Variants in ASAP2 observed in about 807,000 individuals in gnomAD.
ASAP2 encodes the protein arf-GAP with SH3 domain, ANK repeat and PH domain-containing protein 2.
A neutral mutation model predicts 131.4 loss-of-function variants in ASAP2; 45 were observed. The ratio of observed to expected loss-of-function variants is 0.34; its 90% CI spans 0.27 to 0.44. ASAP2 has a LOEUF of 0.44. Among genes scored for constraint, ASAP2 ranks in the 20% least tolerant of loss-of-function variants. The pLI is 1.00. For synonymous variants in ASAP2, 510 were observed against 503.0 expected (o/e 1.01, Z -0.19); for missense variants, 1,011 against 1,297.0 (o/e 0.78, Z 3.39).
chr2:9,359,006 G>T, intron 15 of ASAP2, 117 bp downstream of exon 15: 2 of 1,275,758 alleles, frequency 1.6e-6, no homozygotes, highest in Non-Finnish European at 2.1e-6. Flanking sequence ...TGCCAGATTG[G>T]TTTGGATAAT....
At chr2:9,233,347 T>C (rs957589685) in intron 1 of ASAP2, among the ~76,000 whole-genome samples, 5 of 152,246 alleles carry the variant, frequency 3.3e-5, no homozygotes, top group African/African-American at 1.2e-4. Context: ...AAGGTTACCT[T>C]GATGAGAGGC....
At chr2:9,308,281 C>T (rs1669079388) in intron 3 of ASAP2, among the ~76,000 whole-genome samples, 3 of 152,138 alleles carry the variant, frequency 2.0e-5, no homozygotes, top group South Asian at 4.1e-4. Flanking sequence ...GCCAGCACTT[C>T]GCATGGCCGT....
At chr2:9,343,272 G>A (rs533671089) in intron 9 of ASAP2, among the ~76,000 whole-genome samples, 11 of 152,256 alleles carry the variant, frequency 7.2e-5, no homozygotes, top group Admixed American at 3.9e-4. Flanking sequence ...CTGGATAGGC[G>A]TTCTCATTAA....
chr2:9,247,345 C>T (rs1271584303), intron 1 of ASAP2, among the ~76,000 whole-genome samples: 1 of 152,180 alleles, frequency 6.6e-6, no homozygotes, highest in Non-Finnish European at 1.5e-5. Context: ...TCCCAGTCCG[C>T]AGATGCCTAG....
In ASAP2 at chr2:9,400,784, C is replaced by A. The variant is rs747259935; in HGVS notation, c.2777C>A (p.Ala926Asp). ...ATEALGPLSN[A>D]MVLQPPAPMP... ...GAAGCTCTGGGTCCTCTGTCCAATG[C>A]TATGGTCCTGCAGCCCCCTGCACCC... Residue 926 changes from alanine to aspartate, a missense_variant, in exon 26 of 28, where the codon GCT (alanine) becomes GAT (aspartate). Transcript: ENST00000281419. 6.2e-7 allele frequency: 1 copy of A among 1,613,776 alleles called. No individual in the cohort carries two copies. The highest frequency in any genetic ancestry group is 1.7e-5 in the Admixed American group (1 of 60,024).
chr2:9,318,669 G>A (rs13426594), intron 4 of ASAP2, 71 bp downstream of exon 4: 90,120 of 1,045,998 alleles, frequency 0.086, 4,054 homozygotes, highest in African/African-American at 0.1. Flanking sequence ...TTGGCCTGCC[G>A]GGCAGCAGCC....
intron 1 of ASAP2, among the ~76,000 whole-genome samples, chr2:9,237,756 G>C (rs1663658483): frequency 6.6e-6 from 1 of 152,082 alleles, no homozygotes; most frequent in Non-Finnish European, 1.5e-5. Context: ...GCGACCAGGA[G>C]ACTGAGTCTT....
At chr2:9,264,198 T>TA (rs1665778829) in intron 1 of ASAP2, among the ~76,000 whole-genome samples, 1 of 84,138 alleles carries the variant, frequency 1.2e-5, no homozygotes, top group South Asian at 3.2e-4. Flanking sequence ...CTCAAAAAAA[T>TA]AATAATAATA....
chr2:9,315,377 T>C (rs1054359874), intron 3 of ASAP2, among the ~76,000 whole-genome samples: 1 of 152,014 alleles, frequency 6.6e-6, no homozygotes, highest in Non-Finnish European at 1.5e-5. Flanking sequence ...GAGAATGGCA[T>C]GGAGGGAATG....
chr2:9,301,818 ATCT>A (rs1243189114), intron 3 of ASAP2, among the ~76,000 whole-genome samples: 83 of 127,368 alleles, frequency 6.5e-4, no homozygotes, highest in African/African-American at 2.2e-3. Context: ...TGTATCCATC[ATCT>A]TTTTTTTTTT....
chr2:9,269,988 A>G (rs1300957594), intron 1 of ASAP2, among the ~76,000 whole-genome samples: 1 of 152,212 alleles, frequency 6.6e-6, no homozygotes, highest in African/African-American at 2.4e-5. Context: ...AGAGGAACCT[A>G]TAGAAGAGTT....
chr2:9,399,931 C>G, intron 24 of ASAP2, 92 bp from the exon 25 acceptor site: 2 of 1,332,706 alleles, frequency 1.5e-6, no homozygotes, highest in Non-Finnish European at 2.1e-6. Flanking sequence ...ACACTCTGAG[C>G]TTGAACTCAG....
rs984480132 is a variant in ASAP2, at chr2:9,232,156, G to A, written c.126+24926G>A. 2.0e-5 allele frequency among the ~76,000 whole-genome samples: 3 copies of A among 152,232 alleles called. No homozygotes were observed. Among genetic ancestry groups the A allele is most frequent in the Non-Finnish European group, 4.4e-5 (3 of 68,040 alleles). On this transcript the variant is annotated intron_variant, in intron 1 of 27. Coordinates refer to ENST00000281419, the MANE Select transcript of ASAP2 (RefSeq NM_003887.3). This position sits in a 1 kb window ranked among gnomAD's most constrained non-coding sequence, Gnocchi z 4.1. ...GGTGGCTTCCCTGACCTTTTGGAAAGTAACCAGACTCTGGGTCCTTCTCCT... is the reference window on the plus strand; with the variant it reads ...GGTGGCTTCCCTGACCTTTTGGAAAATAACCAGACTCTGGGTCCTTCTCCT...
chr2:9,385,927 CT>C (rs1675225720), intron 21 of ASAP2, among the ~76,000 whole-genome samples: 1 of 152,256 alleles, frequency 6.6e-6, no homozygotes. Context: ...ACCATCCTCA[CT>C]GCTTCATACG....
chr2:9,393,566 C>A lies in ASAP2; in HGVS notation c.2603C>A (p.Pro868Gln). 3 of 1,599,874 alleles carry A rather than the reference C, an allele frequency of 1.9e-6. No homozygotes were observed. The highest frequency in any genetic ancestry group is 2.3e-5 in the East Asian group (1 of 44,124). The change falls in exon 24 of 28, where the codon CCG becomes CAG. Residue 868 changes from proline to glutamine, a missense_variant. Coordinates refer to ENST00000281419, the MANE Select transcript of ASAP2 (RefSeq NM_003887.3). ...EALSQPSKPAPPGISQIRPPP... is the reference protein window; with the variant it reads ...EALSQPSKPAQPGISQIRPPP... The stretch of plus-strand genomic sequence containing the variant: ...TTGAGCCAGCCGAGCAAGCCTGCCC[C>A]GCCTGGGATCTCACAGATCAGGCCC...
chr2:9,330,882 T>C (rs1572470335), intron 7 of ASAP2, among the ~76,000 whole-genome samples: 2 of 152,266 alleles, frequency 1.3e-5, no homozygotes, highest in African/African-American at 4.8e-5. Context: ...TTTAAAAATA[T>C]GAATCTTCCA....
At chr2:9,315,338 C>T (rs940180697) in intron 3 of ASAP2, among the ~76,000 whole-genome samples, 10 of 152,240 alleles carry the variant, frequency 6.6e-5, no homozygotes, top group Non-Finnish European at 1.5e-4. Flanking sequence ...TGAGAAGGAG[C>T]AGTGAGGCGC....
chr2:9,366,747 T>A (rs1342282327), intron 15 of ASAP2, among the ~76,000 whole-genome samples: 3 of 152,100 alleles, frequency 2.0e-5, no homozygotes, highest in Non-Finnish European at 4.4e-5. Context: ...AGAAAAAGCT[T>A]TTTCCACGTG....
intron 1 of ASAP2, among the ~76,000 whole-genome samples, chr2:9,224,301 A>G (rs1662618251): frequency 6.6e-6 from 1 of 152,064 alleles, no homozygotes; most frequent in Non-Finnish European, 1.5e-5. Context: ...CCCTGTTTGC[A>G]GTTCTTAGTT....
Sources: allele counts gnomAD v4.1 joint callset (sites outside exome capture counted in the v4.1 genomes callset), GRCh38; gene constraint gnomAD v4.1.1; non-coding constraint Gnocchi (gnomAD v3.1); transcripts MANE v1.5; gene names NCBI Gene and HGNC (gene_info 2026-07-23, HGNC 2026-07-21).